FRMPD1: variants seen among roughly 807,000 people sequenced by gnomAD.
The protein encoded by FRMPD1 is FERM and PDZ domain-containing protein 1.
In FRMPD1, 76 loss-of-function variants were observed where a neutral mutation model predicts 117.8. The ratio of observed to expected loss-of-function variants is 0.65; its 90% confidence interval spans 0.54 to 0.78. FRMPD1 has a LOEUF of 0.78. Among genes scored for constraint, FRMPD1 ranks in the 30% least tolerant of loss-of-function variants. The pLI is 0.00. For synonymous variants in FRMPD1, 783 were observed against 770.4 expected, an observed-to-expected ratio of 1.02 and a Z score of -0.27; for missense variants, 1,786 against 1,964.5, an observed-to-expected ratio of 0.91 and a Z score of 1.72.
At chr9:37,728,284 G>A (rs770424821) in intron 7 of FRMPD1, among the ~76,000 whole-genome samples, 4 of 152,168 alleles carry the variant, frequency 2.6e-5, no homozygotes, top group Non-Finnish European at 5.9e-5. Flanking sequence ...CTTTACCATG[G>A]CTGTTAATTG....
At chr9:37,608,503 T>C in the FRMPD1 span, among the ~76,000 whole-genome samples, 1 of 151,832 alleles carries the variant, frequency 6.6e-6, no homozygotes, top group African/African-American at 2.4e-5. Flanking sequence ...CCACTTTCTT[T>C]CTTCCTTCCT....
chr9:37,692,592 T>G, intron 1 of FRMPD1, 46 bp from the exon 2 acceptor site: 1 of 1,189,984 alleles, frequency 8.4e-7, no homozygotes, highest in African/African-American at 1.5e-5. Context: ...AAATCCTCTT[T>G]AGAGTATTTT....
intron 1 of FRMPD1, among the ~76,000 whole-genome samples, chr9:37,680,267 C>T (rs192291641): frequency 6.6e-5 from 10 of 152,258 alleles, no homozygotes; most frequent in African/African-American, 1.7e-4. Flanking sequence ...AGGGGCATGA[C>T]GATGCCCTGA....
intron 7 of FRMPD1, among the ~76,000 whole-genome samples, chr9:37,727,539 A>G (rs1354245694): frequency 6.6e-6 from 1 of 152,104 alleles, no homozygotes; most frequent in Non-Finnish European, 1.5e-5. Flanking sequence ...CAAGAAATGC[A>G]TGAGCCCAAG....
chr9:37,681,915 A>T (rs529495283), intron 1 of FRMPD1, among the ~76,000 whole-genome samples: 21 of 152,326 alleles, frequency 1.4e-4, no homozygotes, highest in African/African-American at 4.3e-4. Context: ...CATAAAGGAG[A>T]TGATCACAGG....
At chr9:37,636,683 C>A in the FRMPD1 span, 82 of 1,542,498 alleles carry the variant, frequency 5.3e-5, no homozygotes, top group Non-Finnish European at 6.8e-5. Flanking sequence ...ACTCCAGTGC[C>A]CCTCCTAGCA....
At chr9:37,645,290 A>G in the FRMPD1 span, among the ~76,000 whole-genome samples, 1 of 152,236 alleles carries the variant, frequency 6.6e-6, no homozygotes, top group Admixed American at 6.5e-5. Context: ...AAAACTTGTG[A>G]TAATCATTCC....
chr9:37,741,576 T>C (rs939839190), intron 15 of FRMPD1, among the ~76,000 whole-genome samples: 1 of 152,150 alleles, frequency 6.6e-6, no homozygotes, highest in African/African-American at 2.4e-5. Flanking sequence ...GCAGCCCTTG[T>C]TCCTGTCTCG....
chr9:37,663,975 T>C (rs1821076521), intron 1 of FRMPD1, among the ~76,000 whole-genome samples: 1 of 152,208 alleles, frequency 6.6e-6, no homozygotes, highest in Non-Finnish European at 1.5e-5. Flanking sequence ...TCAAGTTTGG[T>C]TGAATCCACG....
chr9:37,617,343 T>G, the FRMPD1 span, among the ~76,000 whole-genome samples: 2 of 152,238 alleles, frequency 1.3e-5, no homozygotes, highest in Non-Finnish European at 2.9e-5. Context: ...TCAGAGAGCG[T>G]TGCATTCAGT....
chr9:37,655,503 T>C (rs1820814220), intron 1 of FRMPD1, among the ~76,000 whole-genome samples: 1 of 108,134 alleles, frequency 9.2e-6, no homozygotes, highest in Admixed American at 8.7e-5. Flanking sequence ...ACTCTTTTTT[T>C]TTTTTTTTTT....
At chr9:37,611,546 A>G in the FRMPD1 span, among the ~76,000 whole-genome samples, 1 of 152,246 alleles carries the variant, frequency 6.6e-6, no homozygotes, top group African/African-American at 2.4e-5. Context: ...AAATTGATGA[A>G]ATTAAATATG....
At chr9:37,617,436 G>C in the FRMPD1 span, among the ~76,000 whole-genome samples, 5 of 152,178 alleles carry the variant, frequency 3.3e-5, 1 homozygote. Flanking sequence ...CTCTGTGCCT[G>C]TTTCCTCACA....
At chr9:37,681,533 T>C (rs1821730389) in intron 1 of FRMPD1, among the ~76,000 whole-genome samples, 1 of 152,248 alleles carries the variant, frequency 6.6e-6, no homozygotes, top group Non-Finnish European at 1.5e-5. Flanking sequence ...CATGCAGATG[T>C]GTGAGCCCAT....
At chr9:37,644,823 T>C in the FRMPD1 span, among the ~76,000 whole-genome samples, 1 of 152,152 alleles carries the variant, frequency 6.6e-6, no homozygotes, top group Non-Finnish European at 1.5e-5. Flanking sequence ...GATGAGATGA[T>C]TGCTCTGTTT....
intron 1 of FRMPD1, among the ~76,000 whole-genome samples, chr9:37,669,072 G>A (rs1000412331): frequency 2.6e-5 from 4 of 152,146 alleles, no homozygotes; most frequent in Non-Finnish European, 4.4e-5. Context: ...GCTAACTAGT[G>A]ACAGAATCAG....
chr9:37,610,748 T>C, the FRMPD1 span, among the ~76,000 whole-genome samples: 5 of 152,150 alleles, frequency 3.3e-5, no homozygotes, highest in African/African-American at 1.2e-4. Flanking sequence ...GCGTGCGCCA[T>C]CACACCTGGA....
intron 15 of FRMPD1, among the ~76,000 whole-genome samples, chr9:37,743,806 G>A (rs145127959): frequency 1.3e-3 from 197 of 151,594 alleles, no homozygotes; most frequent in Non-Finnish European, 2.1e-3. Context: ...GCTGAGGTGG[G>A]AGGATTGCTT....
chr9:37,634,579 T>C, the FRMPD1 span, among the ~76,000 whole-genome samples: 34 of 152,236 alleles, frequency 2.2e-4, no homozygotes, highest in African/African-American at 7.7e-4. Flanking sequence ...CCTGCTGCAA[T>C]GCACAGCTCT....
Sources: gnomAD v4.1 joint callset for allele counts (sites outside exome capture counted in the v4.1 genomes callset) on GRCh38, gnomAD v4.1.1 for gene constraint, MANE v1.5 for transcripts, NCBI Gene and HGNC (gene_info 2026-07-23, HGNC 2026-07-21) for gene names.